Variants in MAPKAP1 observed in about 807,000 individuals in gnomAD.
The protein encoded by MAPKAP1 is target of rapamycin complex 2 subunit MAPKAP1.
Under a neutral mutation model 65.7 loss-of-function variants are expected in MAPKAP1, and 20 were observed. The ratio of observed to expected loss-of-function variants is 0.30; its 90% CI spans 0.21 to 0.44. The LOEUF (loss-of-function observed/expected upper bound fraction) is 0.44, where lower values mean the gene tolerates loss of function less well. Among genes scored for constraint, MAPKAP1 ranks in the 20% least tolerant of loss-of-function variants. MAPKAP1 has a pLI of 1.00. For synonymous variants in MAPKAP1, 222 were observed against 244.3 expected, an observed-to-expected ratio of 0.91 and a Z score of 0.85; for missense variants, 423 against 648.0, an observed-to-expected ratio of 0.65 and a Z score of 3.77.
At chr9:125,565,741 CAAAAAAAAA>C (rs71374275) in intron 5 of MAPKAP1, 98 of 148,720 alleles carry the variant, frequency 6.6e-4, no homozygotes, top group Admixed American at 8.1e-4. Flanking sequence ...TTCTCTCCTG[CAAAAAAAAA>C]AAAAAAAAAA....
chr9:125,698,072 A>AG (rs1453514645), intron 1 of MAPKAP1, among the ~76,000 whole-genome samples: 3 of 151,522 alleles, frequency 2.0e-5, no homozygotes, highest in Non-Finnish European at 4.4e-5. Context: ...CCAAAAAAAA[A>AG]GTAATAGTGC....
chr9:125,639,084 C>T (rs943930056), intron 4 of MAPKAP1, among the ~76,000 whole-genome samples: 2 of 152,068 alleles, frequency 1.3e-5, no homozygotes, highest in African/African-American at 4.8e-5. Context: ...ACCAAAACTA[C>T]AAAAAAATTC....
chr9:125,456,473 C>T (rs927055961), intron 10 of MAPKAP1, among the ~76,000 whole-genome samples: 9 of 152,182 alleles, frequency 5.9e-5, no homozygotes, highest in African/African-American at 2.2e-4. Context: ...CCCAATGATC[C>T]TACCTTCTGC....
Position 125,659,354 on chromosome 9 carries a change from T to G in MAPKAP1, c.350-1555A>C, listed in dbSNP as rs114945618. On this transcript the variant is annotated intron_variant, in intron 3 of 11. Transcript: ENST00000265960. ...ATAGACTTCACACAGCTGTTACCAA[T>G]AGGGTTAGGTGCAATGTGATGCTAT... Among the ~76,000 whole-genome samples the G allele has an allele frequency of 4.1e-3, 623 of 152,282 alleles. 6 individuals are homozygous for G. The highest frequency in any genetic ancestry group is 0.014 in the African/African-American group (588 of 41,558).
At chr9:125,699,271 C>G (rs537496680) in intron 1 of MAPKAP1, among the ~76,000 whole-genome samples, 1 of 151,888 alleles carries the variant, frequency 6.6e-6, no homozygotes, top group Non-Finnish European at 1.5e-5. Context: ...TGCAGGAGCA[C>G]AATCATGGCT....
intron 6 of MAPKAP1, among the ~76,000 whole-genome samples, chr9:125,552,443 A>G (rs940342163): frequency 6.6e-6 from 1 of 152,258 alleles, no homozygotes; most frequent in African/African-American, 2.4e-5. Context: ...AAAAATGTAA[A>G]TAATTATAAA....
rs375061437 is a variant in MAPKAP1 at position 125,679,187 on chromosome 9, A to C, written c.-69-6544T>G. Among the ~76,000 whole-genome samples, 20 of 152,218 alleles carry C rather than the reference A, an allele frequency of 1.3e-4. No individual in the cohort carries two copies. In the South Asian group the frequency reaches 3.7e-3, roughly 28 times the overall value. Reference sequence around the variant, plus strand: ...CCACTAAGTTTTGTATTTTTAGTAGAGACAGGGTTTCACTATGTTGGCCAG... The same window carrying C: ...CCACTAAGTTTTGTATTTTTAGTAGCGACAGGGTTTCACTATGTTGGCCAG... On this transcript the variant is annotated intron_variant, in intron 1 of 11. Coordinates refer to ENST00000265960, the MANE Select transcript of MAPKAP1 (RefSeq NM_001006617.3).
chr9:125,496,948 T>A (rs1041300478), intron 8 of MAPKAP1, among the ~76,000 whole-genome samples: 4 of 152,108 alleles, frequency 2.6e-5, no homozygotes, highest in Non-Finnish European at 4.4e-5. Context: ...CAGACTGGGT[T>A]CCTCTCCAGT....
intron 7 of MAPKAP1, among the ~76,000 whole-genome samples, chr9:125,532,033 G>C (rs73667007): frequency 0.027 from 4,182 of 152,204 alleles, 198 homozygotes; most frequent in African/African-American, 0.096. Flanking sequence ...ATATACAGAT[G>C]ATTAGCTTTA....
intron 4 of MAPKAP1, among the ~76,000 whole-genome samples, chr9:125,633,625 G>T (rs535238880): frequency 1.2e-4 from 19 of 152,272 alleles, no homozygotes; most frequent in African/African-American, 4.6e-4. Context: ...CCAGAAAAAT[G>T]CAGAGGTAAT....
At chr9:125,600,250 C>T (rs946199583) in intron 4 of MAPKAP1, among the ~76,000 whole-genome samples, 14 of 149,880 alleles carry the variant, frequency 9.3e-5, no homozygotes, top group African/African-American at 3.4e-4. Context: ...CACTCCGTAT[C>T]AGAAACAATC....
At chr9:125,586,767 CCA>C (rs1335746782) in intron 4 of MAPKAP1, among the ~76,000 whole-genome samples, 1 of 152,164 alleles carries the variant, frequency 6.6e-6, no homozygotes, top group African/African-American at 2.4e-5. Flanking sequence ...AATATGTTCA[CCA>C]CACAGAGTAT....
intron 7 of MAPKAP1, among the ~76,000 whole-genome samples, chr9:125,508,409 G>C (rs1829206232): frequency 6.6e-6 from 1 of 152,184 alleles, no homozygotes; most frequent in Non-Finnish European, 1.5e-5. Flanking sequence ...CCTGAACCTG[G>C]AGGGCTGCTT....
chr9:125,601,460 A>G, intron 4 of MAPKAP1, among the ~76,000 whole-genome samples: 1 of 152,202 alleles, frequency 6.6e-6, no homozygotes, highest in East Asian at 1.9e-4. Context: ...TAGGTTCGTA[A>G]CTAAGTGTTT....
At chr9:125,561,516 T>G (rs1189540075) in intron 5 of MAPKAP1, among the ~76,000 whole-genome samples, 1 of 152,236 alleles carries the variant, frequency 6.6e-6, no homozygotes, top group African/African-American at 2.4e-5. Context: ...TTGAATGGCA[T>G]GGGAAACTTT....
intron 4 of MAPKAP1, among the ~76,000 whole-genome samples, chr9:125,619,514 G>A (rs1832837483): frequency 6.6e-6 from 1 of 151,216 alleles, no homozygotes; most frequent in Non-Finnish European, 1.5e-5. Flanking sequence ...GTATATTATT[G>A]CAAATTAACA....
chr9:125,594,950 CCCCAGCA>C (rs1832082966), intron 4 of MAPKAP1, among the ~76,000 whole-genome samples: 1 of 152,160 alleles, frequency 6.6e-6, no homozygotes, highest in African/African-American at 2.4e-5. Context: ...TCTGAAATAT[CCCCAGCA>C]CCTAACAAAG....
chr9:125,438,730 G>T lies in MAPKAP1; in HGVS notation c.*157C>A. 1 of 975,556 alleles carries T rather than the reference G, an allele frequency of 1.0e-6. No individual in the cohort carries two copies. Among genetic ancestry groups the T allele is most frequent in the Non-Finnish European group, 1.5e-6 (1 of 659,580 alleles). 60.4% of individuals were successfully genotyped at this position (975,556 alleles called of 1,614,324 possible). ...TGTCCCCAGCGCTCCCTCCTAGGGG[G>T]CCCCCGACACCTTCCCCGAGAGCCC... is the stretch of plus-strand genomic sequence containing the variant. On this transcript the variant is annotated 3_prime_UTR_variant, in exon 12 of 12. Transcript: ENST00000265960.
At chr9:125,459,374 G>A (rs1853364021) in intron 10 of MAPKAP1, among the ~76,000 whole-genome samples, 1 of 151,782 alleles carries the variant, frequency 6.6e-6, no homozygotes. Flanking sequence ...CAGACGATGG[G>A]CGGCCAGGCA....
Sources: gnomAD v4.1 joint callset for allele counts (sites outside exome capture counted in the v4.1 genomes callset) on GRCh38, gnomAD v4.1.1 for gene constraint, MANE v1.5 for transcripts, NCBI Gene and HGNC (gene_info 2026-07-23, HGNC 2026-07-21) for gene names.